The following INPP4B variants were observed in gnomAD, a reference collection of about 807,000 sequenced individuals.
The protein encoded by INPP4B is inositol polyphosphate 4-phosphatase type II.
Under a neutral mutation model 122.5 loss-of-function variants are expected in INPP4B, and 55 were observed. That is an observed-to-expected ratio of 0.45 (90% CI 0.36 to 0.56). INPP4B has a LOEUF of 0.56. Ranked by LOEUF, INPP4B falls within the 20% of genes least tolerant of loss-of-function variation. INPP4B has a pLI of 0.00. For missense variants in INPP4B, 1,000 were observed against 1,097.7 expected (o/e 0.91, Z 1.26); for synonymous variants, 403 against 388.7 (o/e 1.04, Z -0.43).
intron 8 of INPP4B, among the ~76,000 whole-genome samples, chr4:142,313,499 CAT>C (rs1342233721): frequency 6.6e-6 from 1 of 152,106 alleles, no homozygotes; most frequent in Non-Finnish European, 1.5e-5. Flanking sequence ...CTAGTGGAAA[CAT>C]GTGAGCTGAG....
At chr4:142,779,329 T>C (rs1419144785) in intron 1 of INPP4B, among the ~76,000 whole-genome samples, 1 of 152,158 alleles carries the variant, frequency 6.6e-6, no homozygotes, top group Non-Finnish European at 1.5e-5. Context: ...ATGTTTTAAT[T>C]ATATAAAGTC....
chr4:142,372,685 T>C (rs1790362248), intron 7 of INPP4B, among the ~76,000 whole-genome samples: 1 of 152,088 alleles, frequency 6.6e-6, no homozygotes, highest in Admixed American at 6.6e-5. Context: ...TGACAGCTGG[T>C]AGAAATGTGT....
chr4:142,026,330 T>A lies in INPP4B; in HGVS notation c.*2452A>T, dbSNP rs1482251410. 6.6e-6 allele frequency: 1 copy of A among 152,216 alleles called. No individual in the cohort carries two copies. Among genetic ancestry groups the A allele is most frequent in the Non-Finnish European group, 1.5e-5 (1 of 68,024 alleles). 9.4% of individuals were successfully genotyped at this position (152,216 alleles called of 1,614,324 possible). On this transcript the variant is annotated 3_prime_UTR_variant, in exon 26 of 26. Transcript: ENST00000262992. ...TGTTGTCTCTATGAAACACATTTTCTTGATGAAATCCACTTTTAGAAGTTT... is the reference window on the plus strand; with the variant it reads ...TGTTGTCTCTATGAAACACATTTTCATGATGAAATCCACTTTTAGAAGTTT...
chr4:142,031,357 G>C (rs1739924782), intron 25 of INPP4B, among the ~76,000 whole-genome samples: 1 of 152,156 alleles, frequency 6.6e-6, no homozygotes, highest in African/African-American at 2.4e-5. Flanking sequence ...CTGATTTCTA[G>C]TCCTTCGCAA....
At chr4:142,120,235 G>A (rs72718440) in intron 21 of INPP4B, among the ~76,000 whole-genome samples, 19,069 of 151,938 alleles carry the variant, frequency 0.13, 1,370 homozygotes, top group East Asian at 0.23. Context: ...ACATTGTCTT[G>A]ATTATTATAG....
At chr4:142,500,438 T>C (rs1823219462) in intron 2 of INPP4B, among the ~76,000 whole-genome samples, 1 of 152,222 alleles carries the variant, frequency 6.6e-6, no homozygotes, top group Non-Finnish European at 1.5e-5. Context: ...TCCTTTGAGA[T>C]GTAAGTCTCT....
rs550601018 is a variant in INPP4B at position 142,081,346 on chromosome 4, T to C, written c.2642+685A>G. ...AACGTGTGTCCTTGCTGATAGACAC[T>C]GTGAATGAAGCACTTTTTCCTTCCC... On this transcript the variant is annotated intron_variant, in intron 25 of 25. Coordinates refer to ENST00000262992, the MANE Select transcript of INPP4B (RefSeq NM_001101669.3). Among the ~76,000 whole-genome samples the C allele has an allele frequency of 2.6e-5, 4 of 152,334 alleles. No individual in the cohort carries two copies. The East Asian group carries it at 5.8e-4, about 22-fold the overall frequency.
chr4:142,630,278 G>A (rs895918720), intron 2 of INPP4B, among the ~76,000 whole-genome samples: 4 of 152,046 alleles, frequency 2.6e-5, no homozygotes, highest in Admixed American at 2.6e-4. Flanking sequence ...ATAAGGCAAT[G>A]CTTTCATACC....
At chr4:142,260,606 A>C in intron 10 of INPP4B, 42 bp from the exon 11 acceptor site, 2 of 1,247,040 alleles carry the variant, frequency 1.6e-6, no homozygotes, top group Non-Finnish European at 2.3e-6. Context: ...TTTGAGAACA[A>C]TCAAAATAAG....
At chr4:142,113,751 A>G (rs1215976821) in intron 21 of INPP4B, among the ~76,000 whole-genome samples, 1 of 152,074 alleles carries the variant, frequency 6.6e-6, no homozygotes, top group East Asian at 1.9e-4. Flanking sequence ...GAGTCAGTTC[A>G]TGCTTTAAAC....
At chr4:142,667,475 A>C (rs1756289187) in intron 2 of INPP4B, among the ~76,000 whole-genome samples, 1 of 152,212 alleles carries the variant, frequency 6.6e-6, no homozygotes, top group Non-Finnish European at 1.5e-5. Flanking sequence ...TAGAGATGTT[A>C]GGAATCCAGG....
At chr4:142,154,990 A>T (rs1816411258) in intron 17 of INPP4B, among the ~76,000 whole-genome samples, 1 of 151,752 alleles carries the variant, frequency 6.6e-6, no homozygotes, top group Non-Finnish European at 1.5e-5. Context: ...AGGCTTTATT[A>T]TACAAAATGA....
intron 3 of INPP4B, among the ~76,000 whole-genome samples, chr4:142,456,062 C>G (rs1815353614): frequency 6.6e-6 from 1 of 151,906 alleles, no homozygotes. Flanking sequence ...AACCCCTTGT[C>G]TGATGGGCAG....
intron 25 of INPP4B, among the ~76,000 whole-genome samples, chr4:142,030,764 C>T (rs1739408818): frequency 6.6e-6 from 1 of 152,240 alleles, no homozygotes; most frequent in South Asian, 2.1e-4. Context: ...TCTCTACTGG[C>T]ATTGCACCTA....
chr4:142,278,219 C>T (rs1749545400), intron 9 of INPP4B, among the ~76,000 whole-genome samples: 1 of 151,846 alleles, frequency 6.6e-6, no homozygotes, highest in Non-Finnish European at 1.5e-5. Flanking sequence ...AACTAAATAG[C>T]ACCATGCATA....
chr4:142,764,745 G>C (rs1461250386), intron 1 of INPP4B, among the ~76,000 whole-genome samples: 1 of 151,604 alleles, frequency 6.6e-6, no homozygotes, highest in Non-Finnish European at 1.5e-5. Context: ...TGTTAATCAA[G>C]ATCTACTCTG....
chr4:142,487,977 C>T (rs995940975), intron 2 of INPP4B, among the ~76,000 whole-genome samples: 4 of 152,046 alleles, frequency 2.6e-5, no homozygotes, highest in Non-Finnish European at 4.4e-5. Context: ...CAGACACAAC[C>T]TGTTTCTGAT....
At chr4:142,185,105 AC>A (rs1218570183) in intron 15 of INPP4B, among the ~76,000 whole-genome samples, 1 of 152,144 alleles carries the variant, frequency 6.6e-6, no homozygotes, top group Non-Finnish European at 1.5e-5. Context: ...GATTATCTTA[AC>A]CCATGTTTCA....
intron 12 of INPP4B, among the ~76,000 whole-genome samples, chr4:142,210,108 A>G (rs1289480048): frequency 4.6e-5 from 7 of 152,090 alleles, no homozygotes; most frequent in African/African-American, 1.7e-4. Context: ...TACCAACAAC[A>G]TTTTCATGAG....
Sources: gnomAD v4.1 joint callset for allele counts (sites outside exome capture counted in the v4.1 genomes callset) on GRCh38, gnomAD v4.1.1 for gene constraint, MANE v1.5 for transcripts, NCBI Gene and HGNC (gene_info 2026-07-23, HGNC 2026-07-21) for gene names.